TAF1: variants seen among roughly 807,000 people sequenced by gnomAD.
The protein encoded by TAF1 is transcription initiation factor TFIID subunit 1.
TAF1 carries 2 observed loss-of-function variants against 138.5 expected under a neutral mutation model. The observed-to-expected ratio is 0.01, with a 90% CI of 0.01 to 0.05. TAF1 has a LOEUF of 0.05. TAF1 is among the 10% of genes least tolerant of loss of function. The pLI is 1.00. For synonymous variants in TAF1, 437 were observed against 503.2 expected (o/e 0.87, Z 1.76); for missense variants, 709 against 1,478.0 (o/e 0.48, Z 8.53).
chrX:71,421,428 G>GC, intron 29 of TAF1, 52 bp downstream of exon 29: 1 of 429,771 alleles, frequency 2.3e-6, no homozygotes, highest in East Asian at 6.1e-5. Flanking sequence ...GTGGGGGTGG[G>GC]ATATCAGGGT....
intron 13 of TAF1, among the ~76,000 whole-genome samples, chrX:71,524,827 A>G (rs1157782008): frequency 6.6e-5 from 7 of 106,469 alleles, no homozygotes; most frequent in African/African-American, 1.0e-4. Flanking sequence ...TGTAATCCCA[A>G]CTACTCCGGA....
chrX:71,378,971 C>T lies in TAF1; in HGVS notation c.1300C>T (p.Leu434=). The T allele has an allele frequency of 2.5e-6, 3 of 1,211,217 alleles. No homozygotes were observed. Among genetic ancestry groups the T allele is most frequent in the Non-Finnish European group, 3.4e-6 (3 of 895,455 alleles). Reference sequence around the variant, plus strand: ...AGGGACAAAACCTCAGCGTGCAAGCCTGGCAGGCTGGCTTCCTTCTAGCAT... The same window carrying T: ...AGGGACAAAACCTCAGCGTGCAAGCTTGGCAGGCTGGCTTCCTTCTAGCAT... ...HKGTKPQRAS[L]AGWLPSSMTR... The change falls in exon 8 of 38, where the codon CTG becomes TTG. Residue 434 remains leucine, a synonymous_variant. Coordinates refer to ENST00000423759, the MANE Select transcript of TAF1 (RefSeq NM_004606.5).
intron 34 of TAF1, among the ~76,000 whole-genome samples, chrX:71,457,387 G>T (rs747511328): frequency 1.8e-5 from 2 of 112,543 alleles, no homozygotes; most frequent in East Asian, 5.5e-4. Context: ...TATCTGTAGC[G>T]TATGTATTTG....
intron 32 of TAF1, among the ~76,000 whole-genome samples, chrX:71,429,274 C>CA (rs11450427): frequency 0.018 from 1,809 of 99,151 alleles, 40 homozygotes; most frequent in African/African-American, 0.062. Flanking sequence ...GACTCTGTCT[C>CA]AAAAAAAAAA....
chrX:71,459,305 G>T, intron 35 of TAF1: 1 of 1,101,066 alleles, frequency 9.1e-7, no homozygotes, highest in African/African-American at 1.8e-5. Context: ...TATGATAGGA[G>T]CCCCATCAGT....
intron 13 of TAF1, among the ~76,000 whole-genome samples, chrX:71,520,484 C>A (rs975404859): frequency 9.6e-6 from 1 of 103,735 alleles, no homozygotes; most frequent in African/African-American, 3.5e-5. Flanking sequence ...AGTTCAAGAC[C>A]AGCCTGGCCA....
At chrX:71,479,860 G>C (rs2039042093) in intron 13 of TAF1, among the ~76,000 whole-genome samples, 1 of 111,815 alleles carries the variant, frequency 8.9e-6, no homozygotes, top group Non-Finnish European at 1.9e-5. Context: ...TGAGAAAGCA[G>C]CTAGGCTATC....
Position 71,375,202 on chromosome X carries a change from G to A in TAF1, c.388G>A (p.Asp130Asn). The change falls in exon 4 of 38, where the codon GAC becomes AAC. Residue 130 changes from aspartate (D) to asparagine (N), a missense_variant. Coordinates refer to ENST00000423759, the MANE Select transcript of TAF1 (RefSeq NM_004606.5). ...AGATGACTATGATGCTGATTGTGAA[G>A]ACATTGATTGCAAGTTGATGCCTCC... ...DEDDYDADCE[D>N]IDCKLMPPPP... 8.3e-7 allele frequency: 1 copy of A among 1,210,916 alleles called. No individual in the cohort carries two copies. Among genetic ancestry groups the A allele is most frequent in the East Asian group, 3.0e-5 (1 of 33,796 alleles).
At chrX:71,383,251 G>T in intron 12 of TAF1, 87 bp downstream of exon 12, 1 of 1,003,489 alleles carries the variant, frequency 1.0e-6, no homozygotes, top group East Asian at 3.3e-5. Context: ...ATTGTATTAG[G>T]GAATTGGTTA....
chrX:71,433,773 T>TC (rs1360610198), intron 32 of TAF1, among the ~76,000 whole-genome samples: 4 of 110,032 alleles, frequency 3.6e-5, no homozygotes, highest in Non-Finnish European at 1.9e-5. Context: ...TTTTTTTTTT[T>TC]CTCCCCAAGA....
chrX:71,408,276 T>A, intron 28 of TAF1, 125 bp downstream of exon 28: 1 of 821,823 alleles, frequency 1.2e-6, no homozygotes, highest in Non-Finnish European at 1.7e-6. Context: ...TTTGTGGGTA[T>A]GAAAATCAGG....
chrX:71,429,072 G>A (rs969601230), intron 32 of TAF1, among the ~76,000 whole-genome samples: 7 of 110,906 alleles, frequency 6.3e-5, no homozygotes, highest in South Asian at 3.8e-4. Flanking sequence ...TCAGGAGATC[G>A]AAACCATTCT....
chrX:71,422,322 A>ATT (rs757749745), intron 29 of TAF1, among the ~76,000 whole-genome samples: 2 of 94,470 alleles, frequency 2.1e-5, no homozygotes, highest in Non-Finnish European at 2.1e-5. Flanking sequence ...TTTTACTGGA[A>ATT]TTTTTTTTTT....
chrX:71,369,637 G>T (rs1326938532), intron 3 of TAF1, among the ~76,000 whole-genome samples: 1 of 97,398 alleles, frequency 1.0e-5, no homozygotes, highest in Admixed American at 1.2e-4. Flanking sequence ...ACGGAGTCTC[G>T]CTCTATTGCC....
chrX:71,501,606 C>A (rs957907235), intron 13 of TAF1, among the ~76,000 whole-genome samples: 1 of 111,196 alleles, frequency 9.0e-6, no homozygotes, highest in Non-Finnish European at 1.9e-5. Context: ...AACTTTTTGT[C>A]GGGACCCTGG....
chrX:71,429,572 C>T (rs984665848), intron 32 of TAF1, among the ~76,000 whole-genome samples: 29 of 110,229 alleles, frequency 2.6e-4, no homozygotes, highest in Admixed American at 2.3e-3. Context: ...TCATGAAACG[C>T]CTAGTATGTT....
Position 71,424,229 on chromosome X carries a change from A to C in TAF1, c.4744A>C (p.Lys1582Gln). Residue 1582 changes from lysine (K) to glutamine (Q), a missense_variant, in exon 32 of 38, where the codon AAG (lysine) becomes CAG (glutamine). By Grantham distance (53) the Lys-to-Gln change is moderately conservative. Coordinates refer to ENST00000423759, the MANE Select transcript of TAF1 (RefSeq NM_004606.5). ...AAACCTTATTCTGGCCAACAGTGTT[A>C]AGTATAATGGTGGGTATTTCTCATT... is the stretch of plus-strand genomic sequence containing the variant. ...DVNLILANSV[K>Q]YNGPESQYTK... 1 of 1,197,022 alleles carries C rather than the reference A, an allele frequency of 8.4e-7. No homozygotes were observed. The highest frequency in any genetic ancestry group is 1.1e-6 in the Non-Finnish European group (1 of 884,220).
intron 13 of TAF1, among the ~76,000 whole-genome samples, chrX:71,502,540 C>T (rs759283910): frequency 2.5e-4 from 28 of 112,751 alleles, no homozygotes; most frequent in Admixed American, 2.1e-3. Flanking sequence ...GTTGTACCAC[C>T]GCTTATTGAA....
intron 8 of TAF1, among the ~76,000 whole-genome samples, chrX:71,379,785 A>G (rs1283141538): frequency 9.2e-6 from 1 of 108,267 alleles, no homozygotes; most frequent in East Asian, 2.9e-4. Flanking sequence ...TATTTTTAGT[A>G]GCGATGGGGT....
Sources: gnomAD v4.1 joint callset for allele counts (sites outside exome capture counted in the v4.1 genomes callset) on GRCh38, gnomAD v4.1.1 for gene constraint, MANE v1.5 for transcripts, NCBI Gene and HGNC (gene_info 2026-07-23, HGNC 2026-07-21) for gene names.